ASGR2: variants seen among roughly 807,000 people sequenced by gnomAD.
ASGR2 encodes asialoglycoprotein receptor 2, also known as C-type lectin domain family 4 member H2.
In ASGR2, 34 loss-of-function variants were observed where a neutral mutation model predicts 32.3. That is an observed-to-expected ratio of 1.05 (90% CI 0.80 to 1.40). ASGR2 has a LOEUF of 1.40. Ranked by LOEUF, ASGR2 falls within the 40% of genes most tolerant of loss-of-function variation. The pLI, the probability that ASGR2 is intolerant of heterozygous loss-of-function variation, is 0.00. For missense variants in ASGR2, 385 were observed against 386.4 expected, an observed-to-expected ratio of 1.00 and a Z score of 0.03; for synonymous variants, 143 against 150.0, an observed-to-expected ratio of 0.95 and a Z score of 0.34.
At position 7,107,661 on chromosome 17, in the gene ASGR2, G is replaced by A; in HGVS notation, c.409+175C>T. Reference sequence around the variant, plus strand: ...TACACCACACTACACACCACACACAGATCCATGACATATCACACCACACAT... The same window carrying A: ...TACACCACACTACACACCACACACAAATCCATGACATATCACACCACACAT... On this transcript the variant is annotated intron_variant, in intron 5 of 8. Transcript: ENST00000691900. This position sits in a 1 kb window ranked among gnomAD's most constrained non-coding sequence, Gnocchi z 5.0. 2 of 827,270 alleles carry A rather than the reference G, an allele frequency of 2.4e-6. No individual in the cohort carries two copies. The highest frequency in any genetic ancestry group is 3.9e-6 in the Non-Finnish European group (2 of 514,894). 51.2% of individuals were successfully genotyped at this position (827,270 alleles called of 1,614,324 possible).
At chr17:7,111,886 ATTT>A (rs2151734732) in intron 2 of ASGR2, among the ~76,000 whole-genome samples, 1 of 147,788 alleles carries the variant, frequency 6.8e-6, no homozygotes, top group South Asian at 2.2e-4. Flanking sequence ...ACAAAAAAAA[ATTT>A]TTAATTAGCC....
intron 2 of ASGR2, among the ~76,000 whole-genome samples, chr17:7,110,781 T>A (rs537663175): frequency 6.6e-6 from 1 of 152,202 alleles, no homozygotes; most frequent in East Asian, 1.9e-4. Context: ...AACAGACAAC[T>A]ATAGAACATG....
In ASGR2 at chr17:7,101,668, G is replaced by T; in HGVS notation, c.828C>A (p.Val276=). 1 of 1,614,180 alleles carries T rather than the reference G, an allele frequency of 6.2e-7. No homozygotes were observed. Among genetic ancestry groups the T allele is most frequent in the East Asian group, 2.2e-5 (1 of 44,874 alleles). ...CATCGTTCCAGCGGCCATCCGGCTG[G>T]ACTTCAACACAGTCTTCACTTCCAC... is the stretch of plus-strand genomic sequence containing the variant. The part of the protein sequence containing the change: ...ELGGSEDCVE[V]QPDGRWNDDF... The change falls in exon 9 of 9, where the codon GTC becomes GTA. Residue 276 remains valine (V), a synonymous_variant. Transcript: ENST00000691900.
chr17:7,114,322 G>T lies in ASGR2; in HGVS notation c.-70-12C>A. The T allele has an allele frequency of 6.5e-7, 1 of 1,530,574 alleles. No individual in the cohort carries two copies. The highest frequency in any genetic ancestry group is 8.8e-7 in the Non-Finnish European group (1 of 1,137,752). 94.8% of individuals were successfully genotyped at this position (1,530,574 alleles called of 1,614,324 possible). ...TCTGAGGGCTGGGGCTGGGGCAGAG[G>T]TGCAGATTCACGTGGAGGTTGATGG... On this transcript the variant is annotated splice_polypyrimidine_tract_variant and intron_variant, in intron 1 of 8. Transcript: ENST00000691900. The surrounding 1 kb of genome is among the most constrained non-coding windows in gnomAD (Gnocchi z 4.5).
chr17:7,106,334 T>C (rs987942402), intron 7 of ASGR2, among the ~76,000 whole-genome samples: 7 of 152,192 alleles, frequency 4.6e-5, no homozygotes, highest in African/African-American at 1.2e-4. Flanking sequence ...GTTGGCTTCA[T>C]AGTGACGAAA....
Position 7,107,340 on chromosome 17 carries a change from G to A in ASGR2, c.410-23C>T, listed in dbSNP as rs1441317229. On this transcript the variant is annotated intron_variant, in intron 5 of 8. Coordinates refer to ENST00000691900, the MANE Select transcript of ASGR2 (RefSeq NM_001201352.2). This position sits in a 1 kb window ranked among gnomAD's most constrained non-coding sequence, Gnocchi z 5.0. ...GATCTAGGACAGACAGGCTGAAAGT[G>A]CTGCCGGCAGGTGTGGTCCCCACCT... The A allele has an allele frequency of 9.3e-6, 15 of 1,608,510 alleles. No individual in the cohort carries two copies. The highest frequency in any genetic ancestry group is 1.3e-5 in the Non-Finnish European group (15 of 1,179,392).
At chr17:7,106,589 T>G (rs7221206) in intron 7 of ASGR2, among the ~76,000 whole-genome samples, 53,927 of 152,008 alleles carry the variant, frequency 0.35, 10,007 homozygotes, top group South Asian at 0.42. Context: ...TCATATGGCT[T>G]AACTACTGTG....
chr17:7,104,791 A>G (rs1483541772), intron 7 of ASGR2, among the ~76,000 whole-genome samples: 1 of 152,034 alleles, frequency 6.6e-6, no homozygotes, highest in Non-Finnish European at 1.5e-5. Flanking sequence ...CCTGACCAAC[A>G]TGGTGAAACC....
At chr17:7,111,432 A>G (rs28802291) in intron 2 of ASGR2, among the ~76,000 whole-genome samples, 11,388 of 151,974 alleles carry the variant, frequency 0.075, 583 homozygotes, top group East Asian at 0.17. Context: ...CAAGGCGGGC[A>G]GATCATGAGG....
chr17:7,110,175 T>C (rs1454588945), intron 2 of ASGR2, among the ~76,000 whole-genome samples: 1 of 152,034 alleles, frequency 6.6e-6, no homozygotes, highest in African/African-American at 2.4e-5. Flanking sequence ...CTTCATCTTT[T>C]TCACACCAGT....
chr17:7,115,098 G>A (rs772302110), upstream of ASGR2: 24 of 808,110 alleles, frequency 3.0e-5, no homozygotes, highest in African/African-American at 2.0e-4. This position sits in a 1 kb window ranked among gnomAD's most constrained non-coding sequence, Gnocchi z 4.2. Context: ...GGATCACAGC[G>A]ACCAGTTCTC....
At chr17:7,109,489 C>CA (rs1182822538) in intron 2 of ASGR2, among the ~76,000 whole-genome samples, 3 of 152,078 alleles carry the variant, frequency 2.0e-5, no homozygotes, top group African/African-American at 7.2e-5. Context: ...CACAACCCTC[C>CA]AGGTCCCACC....
Position 7,108,855 on chromosome 17 carries a change from A to AG in ASGR2, c.157dup (p.Leu53ProfsTer66). The AG allele has an allele frequency of 6.2e-7, 1 of 1,606,958 alleles. No homozygotes were observed. The highest frequency in any genetic ancestry group is 8.5e-7 in the Non-Finnish European group (1 of 1,177,024). On this transcript the variant is annotated frameshift_variant, in exon 3 of 9. Coordinates refer to ENST00000691900, the MANE Select transcript of ASGR2 (RefSeq NM_001201352.2). LOFTEE classifies it high-confidence loss of function. This position sits in a 1 kb window ranked among gnomAD's most constrained non-coding sequence, Gnocchi z 4.9. ...CAGACTGAAGCAGACCATGGAGCAG[A>AG]GACGCTGTGCCAGGGGCTGGGCAGG...
In ASGR2 at chr17:7,108,699, G is replaced by A. The variant is rs527869689; in HGVS notation, c.241+73C>T. 101 of 1,609,902 alleles carry A rather than the reference G, an allele frequency of 6.3e-5. No homozygotes were observed. Among genetic ancestry groups the A allele is most frequent in the South Asian group, 4.8e-4 (44 of 90,734 alleles). ...CCATCCCTTCCCCTCCCATCGCCCC[G>A]ATCGCTGCCCGCCACTGCCCATGTC... On this transcript the variant is annotated intron_variant, in intron 3 of 8. Coordinates refer to ENST00000691900, the MANE Select transcript of ASGR2 (RefSeq NM_001201352.2). This position sits in a 1 kb window ranked among gnomAD's most constrained non-coding sequence, Gnocchi z 4.9.
Position 7,108,508 on chromosome 17 carries a change from G to A in ASGR2, c.291C>T (p.Asn97=), listed in dbSNP as rs745944621. ...CCTCCGTCAGGGTGCTCGAGGAGAA[G>A]TTGCTGAAAGCTTCCTTCAGGCTCC... ...ELRSLKEAFS[N]FSSSTLTEVQ... The change falls in exon 4 of 9, where the codon AAC becomes AAT. Residue 97 remains asparagine (N), a synonymous_variant. Coordinates refer to ENST00000691900, the MANE Select transcript of ASGR2 (RefSeq NM_001201352.2). The surrounding 1 kb of genome is among the most constrained non-coding windows in gnomAD (Gnocchi z 4.9). 12 of 1,610,286 alleles carry A rather than the reference G, an allele frequency of 7.5e-6. No homozygotes were observed. Among genetic ancestry groups the A allele is most frequent in the Admixed American group, 3.4e-5 (2 of 59,414 alleles).
At chr17:7,106,660 T>C (rs1913725875) in intron 7 of ASGR2, among the ~76,000 whole-genome samples, 2 of 152,078 alleles carry the variant, frequency 1.3e-5, no homozygotes. Flanking sequence ...TCCCACCACT[T>C]TGGGAGGCGG....
chr17:7,103,122 C>G lies in ASGR2; in HGVS notation c.649-926G>C, dbSNP rs74559100. 4.6e-3 allele frequency among the ~76,000 whole-genome samples: 694 copies of G among 152,294 alleles called. 11 individuals carry two copies. Among genetic ancestry groups the G allele is most frequent in the East Asian group, 0.043 (221 of 5,184 alleles). On this transcript the variant is annotated intron_variant, in intron 7 of 8. Transcript: ENST00000691900. ...GGAGAGGGATGGATCCGTTGAGCAA[C>G]GTGCACACTTAACAATTCCCTTTGA...
chr17:7,102,740 G>A (rs774183912), intron 7 of ASGR2, among the ~76,000 whole-genome samples: 4 of 152,144 alleles, frequency 2.6e-5, no homozygotes, highest in Non-Finnish European at 4.4e-5. Flanking sequence ...GGTAGCTCTC[G>A]CTTCTATGTG....
At chr17:7,109,695 C>T (rs950381423) in intron 2 of ASGR2, among the ~76,000 whole-genome samples, 1 of 151,962 alleles carries the variant, frequency 6.6e-6, no homozygotes, top group Non-Finnish European at 1.5e-5. Context: ...AACTCACACA[C>T]ACTCACACAC....
Sources: gnomAD v4.1 joint callset for allele counts (sites outside exome capture counted in the v4.1 genomes callset) on GRCh38, gnomAD v4.1.1 for gene constraint, Gnocchi (gnomAD v3.1) non-coding constraint, MANE v1.5 for transcripts, NCBI Gene and HGNC (gene_info 2026-07-23, HGNC 2026-07-21) for gene names.